Variants in NAV3 observed in about 807,000 individuals in gnomAD.
NAV3 encodes neuron navigator 3.
Under a neutral mutation model 244.7 loss-of-function variants are expected in NAV3, and 87 were observed. The observed-to-expected ratio is 0.36, with a 90% CI of 0.30 to 0.42. The LOEUF is 0.42. Ranked by LOEUF, NAV3 falls within the 20% of genes least tolerant of loss-of-function variation. NAV3 has a pLI of 1.00. For missense variants in NAV3, 2,663 were observed against 2,893.3 expected (o/e 0.92, Z 1.83); for synonymous variants, 1,126 against 1,042.2 (o/e 1.08, Z -1.55).
At chr12:78,122,546 A>G in intron 16 of NAV3, 118 bp downstream of exon 16, 3 of 1,261,080 alleles carry the variant, frequency 2.4e-6, no homozygotes, top group Non-Finnish European at 3.2e-6. Context: ...AAAAGATGTA[A>G]GACTGATGAA....
chr12:78,132,515 C>G (rs1956208796), intron 18 of NAV3, among the ~76,000 whole-genome samples: 1 of 152,118 alleles, frequency 6.6e-6, no homozygotes, highest in South Asian at 2.1e-4. Flanking sequence ...GGTTGCTCAT[C>G]TTAACATAGC....
At chr12:78,075,380 A>C (rs1405670782) in intron 12 of NAV3, among the ~76,000 whole-genome samples, 1 of 152,170 alleles carries the variant, frequency 6.6e-6, no homozygotes, top group Non-Finnish European at 1.5e-5. Flanking sequence ...AGTTCTCTTT[A>C]GATTGTGACA....
At chr12:78,013,807 T>G (rs1875716811) in intron 8 of NAV3, among the ~76,000 whole-genome samples, 2 of 152,116 alleles carry the variant, frequency 1.3e-5, no homozygotes, top group African/African-American at 4.8e-5. Flanking sequence ...TTAGGTTTGT[T>G]AAATCTCGAA....
In NAV3 at chr12:78,029,751, A is replaced by T. The variant is rs189659288; in HGVS notation, c.2023+7889A>T. On this transcript the variant is annotated intron_variant, in intron 9 of 39. Transcript: ENST00000397909. The stretch of plus-strand genomic sequence containing the variant: ...CTGATACAGGTATTCTGGCAATGCT[A>T]CTGTGCTGCTTAGTGACCTTGAACA... Among the ~76,000 whole-genome samples, 10 of 152,346 alleles carry T rather than the reference A, an allele frequency of 6.6e-5. No homozygotes were observed. In the East Asian group the frequency reaches 1.9e-3, roughly 29 times the overall value.
At chr12:78,001,550 A>C (rs1026402871) in intron 7 of NAV3, among the ~76,000 whole-genome samples, 5 of 152,238 alleles carry the variant, frequency 3.3e-5, no homozygotes, top group Non-Finnish European at 5.9e-5. Flanking sequence ...TTTGTAAAAC[A>C]AATTAGCTTT....
At chr12:78,070,821 T>G (rs1262863505) in intron 12 of NAV3, among the ~76,000 whole-genome samples, 8 of 148,938 alleles carry the variant, frequency 5.4e-5, no homozygotes, top group Admixed American at 3.4e-4. Flanking sequence ...TTTGTTCTTG[T>G]GATAGTTTAC....
intron 22 of NAV3, among the ~76,000 whole-genome samples, chr12:78,154,289 C>CTATATATTAA (rs1957201702): frequency 1.7e-5 from 1 of 60,014 alleles, no homozygotes. Context: ...ATATATACTA[C>CTATATATTAA]TATATATTAC....
At chr12:77,961,050 A>G (rs997029969) in intron 3 of NAV3, among the ~76,000 whole-genome samples, 1 of 132,238 alleles carries the variant, frequency 7.6e-6, no homozygotes, top group Non-Finnish European at 1.6e-5. Flanking sequence ...GTATATATGT[A>G]TATGTTGCAT....
intron 3 of NAV3, among the ~76,000 whole-genome samples, chr12:77,942,242 C>T (rs1225710954): frequency 1.3e-5 from 2 of 152,010 alleles, no homozygotes; most frequent in Non-Finnish European, 2.9e-5. Context: ...TGTGGTGGCG[C>T]ATGCCTATAA....
intron 2 of NAV3, among the ~76,000 whole-genome samples, chr12:77,655,454 T>G (rs1311142523): frequency 6.6e-6 from 1 of 152,134 alleles, no homozygotes; most frequent in Non-Finnish European, 1.5e-5. Flanking sequence ...TATGTGACTA[T>G]GTGAAAAGAC....
intron 7 of NAV3, among the ~76,000 whole-genome samples, chr12:78,004,681 A>T (rs1197614124): frequency 6.6e-6 from 1 of 152,230 alleles, no homozygotes; most frequent in Non-Finnish European, 1.5e-5. Context: ...CTTTACTGTG[A>T]GGAGTCCAGA....
At chr12:77,914,397 G>T (rs1886920880) in intron 1 of NAV3, among the ~76,000 whole-genome samples, 1 of 152,050 alleles carries the variant, frequency 6.6e-6, no homozygotes, top group Non-Finnish European at 1.5e-5. Flanking sequence ...TCTGAGTTTA[G>T]TAGTTACTTT....
At chr12:78,114,356 C>A (rs539726842) in intron 12 of NAV3, among the ~76,000 whole-genome samples, 3 of 152,066 alleles carry the variant, frequency 2.0e-5, no homozygotes, top group African/African-American at 4.8e-5. Context: ...TTTACCATAT[C>A]CATTTATTCT....
intron 2 of NAV3, among the ~76,000 whole-genome samples, chr12:77,766,734 A>ATTTTTTTTTTT (rs1565805085): frequency 1.7e-4 from 9 of 53,340 alleles, no homozygotes; most frequent in African/African-American, 4.6e-4. Flanking sequence ...CAGGCAATTA[A>ATTTTTTTTTTT]GTTTTTTTTT....
intron 20 of NAV3, among the ~76,000 whole-genome samples, chr12:78,143,603 C>A (rs2853477): frequency 0.36 from 48,941 of 135,448 alleles, 8,639 homozygotes; most frequent in Admixed American, 0.51. Flanking sequence ...CCAGCCTGGG[C>A]GACAAAGCCA....
chr12:78,201,534 C>T (rs1245593796), intron 38 of NAV3, among the ~76,000 whole-genome samples: 2 of 151,834 alleles, frequency 1.3e-5, no homozygotes, highest in Non-Finnish European at 2.9e-5. Flanking sequence ...AACCAAGGCC[C>T]TTCTATTTTT....
At chr12:77,852,833 A>T (rs1036372087) in intron 1 of NAV3, among the ~76,000 whole-genome samples, 1 of 152,162 alleles carries the variant, frequency 6.6e-6, no homozygotes, top group African/African-American at 2.4e-5. Flanking sequence ...GATTTATATT[A>T]TTCCAGTACG....
chr12:77,863,884 T>C (rs2136362788), intron 1 of NAV3, among the ~76,000 whole-genome samples: 1 of 152,016 alleles, frequency 6.6e-6, no homozygotes, highest in African/African-American at 2.4e-5. Flanking sequence ...GTTTTTATAA[T>C]AGGGTTATAA....
intron 2 of NAV3, among the ~76,000 whole-genome samples, chr12:77,715,151 A>G (rs2137268259): frequency 6.6e-6 from 1 of 152,120 alleles, no homozygotes; most frequent in South Asian, 2.1e-4. Context: ...AGAAACTGTG[A>G]TATTAAATCC....
Sources: allele counts gnomAD v4.1 joint callset (sites outside exome capture counted in the v4.1 genomes callset), GRCh38; gene constraint gnomAD v4.1.1; transcripts MANE v1.5; gene names NCBI Gene and HGNC (gene_info 2026-07-23, HGNC 2026-07-21).